Variants in KAZN observed in about 807,000 individuals in gnomAD.
KAZN encodes the protein kazrin.
In KAZN, 40 loss-of-function variants were observed where a neutral mutation model predicts 87.4. That is an observed-to-expected ratio of 0.46 (90% confidence interval 0.36 to 0.60). KAZN has a LOEUF of 0.60. Ranked by LOEUF, KAZN falls within the 20% of genes least tolerant of loss-of-function variation. KAZN has a pLI of 0.00. For missense variants in KAZN, 898 were observed against 1,073.9 expected (o/e 0.84, Z 2.29); for synonymous variants, 466 against 458.3 (o/e 1.02, Z -0.22).
intron 1 of KAZN, among the ~76,000 whole-genome samples, chr1:14,800,869 C>T (rs748825980): frequency 1.3e-5 from 2 of 151,836 alleles, no homozygotes; most frequent in African/African-American, 2.4e-5. Context: ...TCGTAGTTGC[C>T]GGGGACTGTG....
intron 1 of KAZN, among the ~76,000 whole-genome samples, chr1:14,917,718 C>T (rs879119564): frequency 2.6e-5 from 4 of 152,182 alleles, no homozygotes; most frequent in Admixed American, 2.6e-4. Flanking sequence ...CTCTCTGCTT[C>T]TAGAGACTGT....
intron 2 of KAZN, among the ~76,000 whole-genome samples, chr1:14,405,519 C>T (rs1230234634): frequency 6.6e-6 from 1 of 151,896 alleles, no homozygotes; most frequent in Non-Finnish European, 1.5e-5. Flanking sequence ...TCCAAAAGAC[C>T]TGCCTCAGCA....
intron 1 of KAZN, among the ~76,000 whole-genome samples, chr1:14,011,013 C>T (rs576426583): frequency 3.3e-5 from 5 of 152,164 alleles, no homozygotes; most frequent in African/African-American, 9.6e-5. Context: ...CTCCTTACCT[C>T]TTTTTTCTCT....
intron 1 of KAZN, among the ~76,000 whole-genome samples, chr1:14,941,172 G>A (rs936245658): frequency 3.9e-5 from 6 of 151,920 alleles, no homozygotes; most frequent in African/African-American, 9.7e-5. Flanking sequence ...TACCTGCCTC[G>A]GCCTCCCAAA....
intron 2 of KAZN, among the ~76,000 whole-genome samples, chr1:14,998,013 G>A (rs1396654758): frequency 1.3e-5 from 2 of 152,164 alleles, no homozygotes; most frequent in East Asian, 1.9e-4. Flanking sequence ...ATTGAGCCTG[G>A]TTTTAATCGT....
rs185015523 is a variant in KAZN, at chr1:14,208,422, T to G, written c.249+27830T>G. Among the ~76,000 whole-genome samples, 16 of 152,358 alleles carry G rather than the reference T, an allele frequency of 1.1e-4. 1 individual carries two copies. In the East Asian group the frequency reaches 3.1e-3, roughly 29 times the overall value. ...TTCATTGACTCATTCATTCACTCGT[T>G]GACTCGTTCACTTATTTATTTACTG... is the stretch of plus-strand genomic sequence containing the variant. On this transcript the variant is annotated intron_variant, in intron 2 of 16. Coordinates refer to the KAZN transcript ENST00000636203.
chr1:14,633,618 A>G, intron 1 of KAZN, among the ~76,000 whole-genome samples: 1 of 152,122 alleles, frequency 6.6e-6, no homozygotes, highest in East Asian at 1.9e-4. Context: ...CGAAGCCGCT[A>G]AGTTTGTGGT....
intron 1 of KAZN, among the ~76,000 whole-genome samples, chr1:13,927,480 A>G (rs1057475257): frequency 6.6e-6 from 1 of 152,208 alleles, no homozygotes; most frequent in Non-Finnish European, 1.5e-5. Context: ...TGGGCAAAGA[A>G]CCATCAGAGG....
intron 1 of KAZN, among the ~76,000 whole-genome samples, chr1:13,955,892 TC>T (rs1641525484): frequency 6.6e-6 from 1 of 152,112 alleles, no homozygotes; most frequent in Admixed American, 6.5e-5. Context: ...GGCCATCTTC[TC>T]CAGAGGGTTA....
intron 2 of KAZN, among the ~76,000 whole-genome samples, chr1:14,321,652 T>C (rs1217345225): frequency 6.6e-6 from 1 of 152,208 alleles, no homozygotes; most frequent in Non-Finnish European, 1.5e-5. Context: ...TATAAAAGCA[T>C]CATTCATTTC....
At chr1:13,999,014 G>C (rs1235379455) in intron 1 of KAZN, among the ~76,000 whole-genome samples, 2 of 152,136 alleles carry the variant, frequency 1.3e-5, no homozygotes, top group Non-Finnish European at 1.5e-5. Flanking sequence ...ATAACAAATA[G>C]TGTCTTAGAC....
At chr1:15,098,737 G>T (rs555488351) in intron 10 of KAZN, among the ~76,000 whole-genome samples, 1 of 152,334 alleles carries the variant, frequency 6.6e-6, no homozygotes, top group East Asian at 1.9e-4. Flanking sequence ...GGTTGTCTTG[G>T]GCCAGAAGTT....
intron 1 of KAZN, among the ~76,000 whole-genome samples, chr1:14,715,503 C>T (rs1481266713): frequency 2.0e-5 from 3 of 152,232 alleles, no homozygotes; most frequent in Non-Finnish European, 4.4e-5. Flanking sequence ...CACACATCAT[C>T]CTCAGAAGGG....
Position 14,872,246 on chromosome 1 carries a change from A to G in KAZN, c.227-88438A>G, listed in dbSNP as rs545107516. 5.2e-4 allele frequency among the ~76,000 whole-genome samples: 79 copies of G among 152,300 alleles called. 2 individuals are homozygous for G. In the South Asian group the frequency reaches 0.016, roughly 31 times the overall value. On this transcript the variant is annotated intron_variant, in intron 1 of 14. Transcript: ENST00000376030. ...TCTGCAAAATGGGATATAATAAACT[A>G]CTACTTTAGGGTGGTTATGGAGCAG...
intron 1 of KAZN, among the ~76,000 whole-genome samples, chr1:13,909,084 G>A (rs969398965): frequency 8.5e-5 from 13 of 152,222 alleles, no homozygotes; most frequent in African/African-American, 2.7e-4. Context: ...TACAAGAGGA[G>A]AAGATGGGCA....
intron 1 of KAZN, among the ~76,000 whole-genome samples, chr1:14,060,320 G>A (rs1314381985): frequency 2.1e-5 from 3 of 144,830 alleles, no homozygotes; most frequent in Non-Finnish European, 4.5e-5. Context: ...CCGAGATCGC[G>A]CCACTGCAGT....
chr1:14,116,628 C>T (rs1238794641), intron 1 of KAZN, among the ~76,000 whole-genome samples: 1 of 152,162 alleles, frequency 6.6e-6, no homozygotes, highest in African/African-American at 2.4e-5. Flanking sequence ...GTCAGAGCCC[C>T]CCACATGGAG....
chr1:14,812,683 T>G (rs147585400), intron 1 of KAZN, among the ~76,000 whole-genome samples: 78 of 152,022 alleles, frequency 5.1e-4, no homozygotes, highest in African/African-American at 1.7e-3. Context: ...CCAGCTAATT[T>G]TTTAAATTTT....
chr1:14,244,393 T>G (rs1385681912), intron 2 of KAZN, among the ~76,000 whole-genome samples: 1 of 152,236 alleles, frequency 6.6e-6, no homozygotes, highest in Non-Finnish European at 1.5e-5. Context: ...ACTTAATTTA[T>G]TACACATTTC....
Sources: gnomAD v4.1 joint callset for allele counts (sites outside exome capture counted in the v4.1 genomes callset) on GRCh38, gnomAD v4.1.1 for gene constraint, MANE v1.5 for transcripts, NCBI Gene and HGNC (gene_info 2026-07-23, HGNC 2026-07-21) for gene names.